ITPR1: variants seen among roughly 807,000 people sequenced by gnomAD.
ITPR1 encodes inositol 1,4,5-trisphosphate-gated calcium channel ITPR1.
In ITPR1, 96 loss-of-function variants were observed where a neutral mutation model predicts 318.4. The observed-to-expected ratio is 0.30, with a 90% CI of 0.26 to 0.36. The LOEUF is 0.36. Among genes scored for constraint, ITPR1 ranks in the 10% least tolerant of loss-of-function variants. The probability of loss-of-function intolerance (pLI) is 1.00; values close to 1 mark genes in which losing one functional copy is unlikely to be tolerated. For synonymous variants in ITPR1, 1,312 were observed against 1,289.9 expected (o/e 1.02, Z -0.37); for missense variants, 2,440 against 3,460.2 (o/e 0.71, Z 7.40).
chr3:4,535,845 G>A (rs304052), intron 4 of ITPR1, among the ~76,000 whole-genome samples: 144,959 of 152,202 alleles, frequency 0.95, 69,269 homozygotes, highest in Non-Finnish European at 0.99. Context: ...TGGGGCCAAC[G>A]TCTCCTAGTT....
At chr3:4,784,666 AG>A (rs2047059579) in intron 51 of ITPR1, among the ~76,000 whole-genome samples, 2 of 145,104 alleles carry the variant, frequency 1.4e-5, no homozygotes, top group Non-Finnish European at 3.0e-5. Context: ...AGATCACTTG[AG>A]GTCAGGAGTT....
intron 32 of ITPR1, among the ~76,000 whole-genome samples, chr3:4,691,787 G>A (rs1215447354): frequency 1.3e-5 from 2 of 152,162 alleles, no homozygotes; most frequent in Admixed American, 6.5e-5. Context: ...GCCTTACTTG[G>A]TTTATTATGA....
At chr3:4,722,940 G>A (rs2042266603) in intron 40 of ITPR1, among the ~76,000 whole-genome samples, 2 of 152,202 alleles carry the variant, frequency 1.3e-5, no homozygotes, top group Admixed American at 1.3e-4. Flanking sequence ...CTTGAGGTCA[G>A]GAGTTCGAGA....
chr3:4,591,429 G>A (rs376749322), intron 4 of ITPR1, among the ~76,000 whole-genome samples: 93 of 152,340 alleles, frequency 6.1e-4, no homozygotes, highest in African/African-American at 2.2e-3. Context: ...TCTGACTGGT[G>A]TGAGATGGTA....
At chr3:4,586,846 C>G (rs888592241) in intron 4 of ITPR1, among the ~76,000 whole-genome samples, 1 of 151,806 alleles carries the variant, frequency 6.6e-6, no homozygotes, top group African/African-American at 2.4e-5. Context: ...GATCTTTGCC[C>G]TGCTTTGTTG....
intron 40 of ITPR1, among the ~76,000 whole-genome samples, chr3:4,724,125 C>T (rs1464212963): frequency 6.6e-6 from 1 of 152,196 alleles, no homozygotes; most frequent in African/African-American, 2.4e-5. Context: ...GAGCAGGAGG[C>T]TGCATGCTTC....
intron 4 of ITPR1, among the ~76,000 whole-genome samples, chr3:4,542,960 T>C (rs1411702386): frequency 2.0e-5 from 3 of 152,228 alleles, no homozygotes; most frequent in Non-Finnish European, 4.4e-5. Flanking sequence ...TGTGTATTAA[T>C]TGATACTGTA....
chr3:4,780,718 C>T (rs931189320), intron 49 of ITPR1, among the ~76,000 whole-genome samples: 3 of 152,124 alleles, frequency 2.0e-5, no homozygotes, highest in Admixed American at 6.5e-5. Flanking sequence ...GTTCTCAGCC[C>T]GAGATGGAAG....
At chr3:4,640,598 G>C (rs1422224440) in intron 6 of ITPR1, among the ~76,000 whole-genome samples, 1 of 152,174 alleles carries the variant, frequency 6.6e-6, no homozygotes, top group Non-Finnish European at 1.5e-5. Flanking sequence ...AAGATGAAAG[G>C]TGCAGAGGCT....
At position 4,614,348 on chromosome 3, in the gene ITPR1, C is replaced by T. The variant is rs1175865080; in HGVS notation, c.164-13415C>T. ...TTTTCATTGCAGTGTGGTCTTCCAGCGTTGCAGTGTAACGTGGCTGTGTCA... is the reference window on the plus strand; with the variant it reads ...TTTTCATTGCAGTGTGGTCTTCCAGTGTTGCAGTGTAACGTGGCTGTGTCA... On this transcript the variant is annotated intron_variant, in intron 4 of 61. Coordinates refer to ENST00000649015, the MANE Select transcript of ITPR1 (RefSeq NM_001378452.1). 3.3e-5 allele frequency among the ~76,000 whole-genome samples: 5 copies of T among 152,318 alleles called. No individual in the cohort carries two copies. In the South Asian group the frequency reaches 8.3e-4, roughly 25 times the overall value.
At chr3:4,718,085 T>G (rs1314030214) in intron 40 of ITPR1, among the ~76,000 whole-genome samples, 4 of 152,234 alleles carry the variant, frequency 2.6e-5, no homozygotes, top group Non-Finnish European at 5.9e-5. Context: ...GGAGACTGAC[T>G]AGTGGTCATT....
chr3:4,663,114 A>G lies in ITPR1; in HGVS notation c.1462A>G (p.Thr488Ala), dbSNP rs760119100. The G allele has an allele frequency of 6.2e-7, 1 of 1,613,766 alleles. No homozygotes were observed. The highest frequency in any genetic ancestry group is 1.3e-5 in the African/African-American group (1 of 75,018). The change falls in exon 16 of 62, where the codon ACT (threonine) becomes GCT (alanine). Residue 488 changes from threonine to alanine, a missense_variant. Thr to Ala is a moderately conservative substitution (Grantham distance 58). This residue lies in a region of ITPR1 where 478 missense variants were observed against 696.3 expected (regional missense o/e 0.69). Transcript: ENST00000649015. ...TTTGGTTTACTTCGTCACTGGTGGAACTAATTCTGGTCAAGATGTTCTCGA... is the reference window on the plus strand; with the variant it reads ...TTTGGTTTACTTCGTCACTGGTGGAGCTAATTCTGGTCAAGATGTTCTCGA... ...EDLVYFVTGG[T>A]NSGQDVLEVV...
intron 54 of ITPR1, among the ~76,000 whole-genome samples, chr3:4,803,670 T>C (rs1270971786): frequency 6.6e-6 from 1 of 152,198 alleles, no homozygotes; most frequent in Non-Finnish European, 1.5e-5. Flanking sequence ...AGAAAAAATG[T>C]TCAGTATTTC....
At chr3:4,613,952 A>C (rs1229307190) in intron 4 of ITPR1, among the ~76,000 whole-genome samples, 1 of 152,112 alleles carries the variant, frequency 6.6e-6, no homozygotes, top group African/African-American at 2.4e-5. Flanking sequence ...TTCTTTCCAG[A>C]AAATACCACC....
rs539511625 is a variant in ITPR1 at position 4,658,129 on chromosome 3, C to A, written c.1002C>A (p.Asp334Glu). ...EECLEFQPSV[D>E]PDQDASRSRL... ...TGGTGACTTTACCTCCTCAGGTGGA[C>A]CCTGATCAGGACGCCTCTCGAAGTA... is the stretch of plus-strand genomic sequence containing the variant. The change falls in exon 13 of 62, where the codon GAC becomes GAA. Residue 334 changes from aspartate (D) to glutamate (E), a missense_variant. Around this residue, in one of 23 missense-constraint regions of ITPR1, gnomAD observed 101 missense variants for 119.6 expected, o/e 0.84. Coordinates refer to ENST00000649015, the MANE Select transcript of ITPR1 (RefSeq NM_001378452.1). 30 of 1,611,576 alleles carry A rather than the reference C, an allele frequency of 1.9e-5. No homozygotes were observed. In the South Asian group the frequency reaches 3.1e-4, roughly 17 times the overall value.
chr3:4,764,846 C>T (rs1023969892), intron 44 of ITPR1, among the ~76,000 whole-genome samples: 1 of 152,128 alleles, frequency 6.6e-6, no homozygotes, highest in African/African-American at 2.4e-5. Flanking sequence ...CTGAGGCTGT[C>T]AATTTCATGG....
intron 4 of ITPR1, among the ~76,000 whole-genome samples, chr3:4,623,110 C>G (rs370737334): frequency 2.6e-5 from 4 of 152,326 alleles, no homozygotes; most frequent in South Asian, 2.1e-4. Context: ...GTGCTGGAAG[C>G]ACACCTGTGG....
intron 4 of ITPR1, among the ~76,000 whole-genome samples, chr3:4,627,482 G>A (rs1285691488): frequency 1.4e-5 from 2 of 144,606 alleles, no homozygotes; most frequent in Non-Finnish European, 2.9e-5. Flanking sequence ...AAACAAAAAA[G>A]CAAAACAAAC....
chr3:4,810,401 A>G (rs2048858768), intron 55 of ITPR1, among the ~76,000 whole-genome samples: 1 of 152,184 alleles, frequency 6.6e-6, no homozygotes, highest in Admixed American at 6.5e-5. Flanking sequence ...CCATACCTAT[A>G]TGTACCTACA....
Sources: allele counts gnomAD v4.1 joint callset (sites outside exome capture counted in the v4.1 genomes callset), GRCh38; gene constraint gnomAD v4.1.1; regional missense constraint gnomAD v4.1.1; transcripts MANE v1.5; gene names NCBI Gene and HGNC (gene_info 2026-07-23, HGNC 2026-07-21).